CNTN5: variants seen among roughly 807,000 people sequenced by gnomAD.
CNTN5 encodes contactin 5.
A neutral mutation model predicts 129.1 loss-of-function variants in CNTN5; 77 were observed. That is an observed-to-expected ratio of 0.60 (90% confidence interval 0.50 to 0.72). CNTN5 has a LOEUF of 0.72. CNTN5 is among the 30% of genes least tolerant of loss of function. The probability of loss-of-function intolerance (pLI) is 0.00; values close to 1 mark genes in which losing one functional copy is unlikely to be tolerated. For synonymous variants in CNTN5, 509 were observed against 465.6 expected, an observed-to-expected ratio of 1.09 and a Z score of -1.20; for missense variants, 1,478 against 1,328.8, an observed-to-expected ratio of 1.11 and a Z score of -1.75.
Position 100,020,678 on chromosome 11 carries a change from T to C in CNTN5, c.980+18542T>C, listed in dbSNP as rs142677337. ...GACATAATCTTATATGCAGAAAACA[T>C]TAAAGAGTCCAACAAAAAGCTATTA... On this transcript the variant is annotated intron_variant, in intron 9 of 24. Transcript: ENST00000524871. 1.2e-3 allele frequency among the ~76,000 whole-genome samples: 176 copies of C among 152,140 alleles called. 1 individual carries two copies. Among genetic ancestry groups the C allele is most frequent in the African/African-American group, 4.1e-3 (171 of 41,542 alleles).
chr11:100,075,721 G>C (rs1213071189), intron 13 of CNTN5, among the ~76,000 whole-genome samples: 1 of 152,114 alleles, frequency 6.6e-6, no homozygotes, highest in Admixed American at 6.6e-5. Flanking sequence ...AGGGAGAAGG[G>C]AGAAGGTCAA....
intron 18 of CNTN5, among the ~76,000 whole-genome samples, chr11:100,285,354 G>C (rs1372546491): frequency 1.3e-5 from 2 of 152,132 alleles, no homozygotes; most frequent in Non-Finnish European, 2.9e-5. Flanking sequence ...CAGACAGCCA[G>C]CGTTCCATCA....
intron 4 of CNTN5, among the ~76,000 whole-genome samples, chr11:99,842,699 C>T (rs1191969554): frequency 6.6e-5 from 10 of 151,982 alleles, no homozygotes; most frequent in Non-Finnish European, 1.5e-4. Flanking sequence ...CAAGTTAATT[C>T]TTAAAATTTG....
In CNTN5 at chr11:99,621,410, AAAG is replaced by A. The variant is rs572009911; in HGVS notation, c.55+65142_55+65144del. On this transcript the variant is annotated intron_variant, in intron 3 of 24. Coordinates refer to ENST00000524871, the MANE Select transcript of CNTN5 (RefSeq NM_014361.4). The stretch of plus-strand genomic sequence containing the variant: ...AAGTTACACACAAAAATATATCAAA[AAAG>A]GATATTTTTTCATATTTAAAGTGAA... 2.4e-3 allele frequency among the ~76,000 whole-genome samples: 364 copies of A among 152,360 alleles called. 2 individuals are homozygous for A. Among genetic ancestry groups the A allele is most frequent in the African/African-American group, 8.2e-3 (339 of 41,588 alleles).
intron 6 of CNTN5, among the ~76,000 whole-genome samples, chr11:99,890,439 T>G (rs1297255719): frequency 3.3e-5 from 5 of 152,094 alleles, no homozygotes; most frequent in African/African-American, 1.2e-4. Flanking sequence ...TTTTGTGTAA[T>G]ATTGGATTAT....
intron 2 of CNTN5, among the ~76,000 whole-genome samples, chr11:99,553,816 A>C (rs536679691): frequency 4.5e-4 from 68 of 152,178 alleles, no homozygotes; most frequent in African/African-American, 1.6e-3. Context: ...AAAAAGAGAG[A>C]GAGAATAAGG....
At chr11:99,712,180 G>C (rs192149819) in intron 3 of CNTN5, among the ~76,000 whole-genome samples, 1 of 152,108 alleles carries the variant, frequency 6.6e-6, no homozygotes, top group Admixed American at 6.6e-5. Context: ...TCTAACTGGT[G>C]TAAGATGGTA....
intron 1 of CNTN5, among the ~76,000 whole-genome samples, chr11:99,252,340 C>A (rs1211874654): frequency 6.6e-6 from 1 of 151,756 alleles, no homozygotes; most frequent in African/African-American, 2.4e-5. Context: ...CAAACAAACA[C>A]ACAAACAAAA....
chr11:99,372,017 C>T (rs1194392889), intron 2 of CNTN5, among the ~76,000 whole-genome samples: 6 of 152,070 alleles, frequency 3.9e-5, no homozygotes, highest in Admixed American at 1.3e-4. Context: ...ACAAGTGGAG[C>T]GAAAGAGAAT....
At chr11:100,298,353 A>T (rs1182127659) in intron 19 of CNTN5, among the ~76,000 whole-genome samples, 1 of 151,310 alleles carries the variant, frequency 6.6e-6, no homozygotes, top group Admixed American at 6.6e-5. Flanking sequence ...ATGTCTACAG[A>T]GGTATTAACT....
intron 2 of CNTN5, among the ~76,000 whole-genome samples, chr11:99,371,699 C>T (rs1376987929): frequency 1.3e-5 from 2 of 152,084 alleles, no homozygotes; most frequent in East Asian, 3.8e-4. Context: ...TTTAGTTTCA[C>T]CTTGAGTAAT....
chr11:99,826,392 C>T (rs983066639), intron 4 of CNTN5, among the ~76,000 whole-genome samples: 1 of 152,164 alleles, frequency 6.6e-6, no homozygotes, highest in Non-Finnish European at 1.5e-5. Flanking sequence ...TGCAAGTCCA[C>T]ACCTTTCAAT....
intron 2 of CNTN5, among the ~76,000 whole-genome samples, chr11:99,546,966 C>A (rs7129735): frequency 2.6e-5 from 4 of 151,016 alleles, no homozygotes; most frequent in East Asian, 3.9e-4. Context: ...ATGAAAGATA[C>A]ACAACACAAA....
chr11:99,203,754 C>T (rs1305194942), intron 1 of CNTN5, among the ~76,000 whole-genome samples: 1 of 151,876 alleles, frequency 6.6e-6, no homozygotes, highest in Non-Finnish European at 1.5e-5. Flanking sequence ...TGTGCCAGCA[C>T]GTCCGGCTAA....
At chr11:100,168,148 A>G (rs1947702651) in intron 13 of CNTN5, among the ~76,000 whole-genome samples, 1 of 151,982 alleles carries the variant, frequency 6.6e-6, no homozygotes, top group Admixed American at 6.6e-5. Flanking sequence ...AAGAAAATAA[A>G]TCATCTCCAT....
intron 4 of CNTN5, among the ~76,000 whole-genome samples, chr11:99,830,504 C>T (rs1947105770): frequency 6.6e-6 from 1 of 152,038 alleles, no homozygotes; most frequent in Non-Finnish European, 1.5e-5. Flanking sequence ...TCTGTTGTTT[C>T]CTCAAAATAC....
chr11:99,636,187 T>C (rs1264402505), intron 3 of CNTN5, among the ~76,000 whole-genome samples: 1 of 152,092 alleles, frequency 6.6e-6, no homozygotes, highest in African/African-American at 2.4e-5. Flanking sequence ...CAAAAAAGAA[T>C]GGGAATTCTA....
At chr11:100,150,984 G>T (rs1947033904) in intron 13 of CNTN5, among the ~76,000 whole-genome samples, 1 of 151,988 alleles carries the variant, frequency 6.6e-6, no homozygotes, top group African/African-American at 2.4e-5. Context: ...TGAGGACACG[G>T]TAAAAAAGTA....
At chr11:99,812,584 A>T (rs1946462219) in intron 3 of CNTN5, among the ~76,000 whole-genome samples, 1 of 152,164 alleles carries the variant, frequency 6.6e-6, no homozygotes, top group Non-Finnish European at 1.5e-5. Context: ...GTTATCCTCA[A>T]TCTAAAGTCA....
Sources: allele counts gnomAD v4.1 joint callset (sites outside exome capture counted in the v4.1 genomes callset), GRCh38; gene constraint gnomAD v4.1.1; transcripts MANE v1.5; gene names NCBI Gene and HGNC (gene_info 2026-07-23, HGNC 2026-07-21).